Variants in IK observed in about 807,000 individuals in gnomAD.
IK encodes IK cytokine.
Under a neutral mutation model 90.9 loss-of-function variants are expected in IK, and 47 were observed. That is an observed-to-expected ratio of 0.52 (90% CI 0.41 to 0.66). The LOEUF is 0.66. IK is among the 30% of genes least tolerant of loss of function. IK has a pLI of 0.00. For missense variants in IK, 385 were observed against 709.3 expected, an observed-to-expected ratio of 0.54 and a Z score of 5.19; for synonymous variants, 201 against 227.5, an observed-to-expected ratio of 0.88 and a Z score of 1.05.
intron 6 of IK, 79 bp downstream of exon 6, chr5:140,654,131 G>A (rs899276287): frequency 1.2e-6 from 1 of 809,312 alleles, no homozygotes; most frequent in African/African-American, 1.7e-5. Flanking sequence ...TGAGGAGGGA[G>A]ATTCCTGAGA....
intron 8 of IK, 41 bp downstream of exon 8, chr5:140,654,768 G>A (rs377631126): frequency 8.1e-7 from 1 of 1,235,488 alleles, no homozygotes; most frequent in Non-Finnish European, 1.2e-6. Flanking sequence ...CATTCTGGAT[G>A]AATTGTACGG....
intron 2 of IK, among the ~76,000 whole-genome samples, chr5:140,650,561 T>G (rs901163396): frequency 2.0e-5 from 3 of 152,188 alleles, no homozygotes; most frequent in African/African-American, 7.2e-5. Flanking sequence ...TTAGTCTGTT[T>G]CAGACTGATT....
chr5:140,649,301 T>C (rs985819800), intron 2 of IK, among the ~76,000 whole-genome samples: 11 of 149,784 alleles, frequency 7.3e-5, no homozygotes, highest in African/African-American at 2.5e-4. Flanking sequence ...CTCTGCCTCC[T>C]GAGTTCAAGC....
At chr5:140,653,880 G>C in intron 5 of IK, 58 bp from the exon 6 acceptor site, 1 of 1,066,304 alleles carries the variant, frequency 9.4e-7, no homozygotes, top group South Asian at 1.3e-5. Flanking sequence ...TGGGATTACA[G>C]GCGTGATCCA....
Position 140,661,025 on chromosome 5 carries a change from A to AT in IK, c.1413+216dup, listed in dbSNP as rs1561981090. On this transcript the variant is annotated intron_variant, in intron 16 of 19. Transcript: ENST00000417647. The surrounding 1 kb of genome is among the most constrained non-coding windows in gnomAD (Gnocchi z 4.2). The stretch of plus-strand genomic sequence containing the variant: ...TCAAATGACATAGGGTCAAAAATCT[A>AT]TTTTTTACTTCCTATAGCAAAGTGC... 3 of 476,282 alleles carry AT rather than the reference A, an allele frequency of 6.3e-6. No homozygotes were observed. Among genetic ancestry groups the AT allele is most frequent in the Non-Finnish European group, 1.1e-5 (3 of 270,030 alleles). The allele number at this position is 476,282 out of a possible 1,614,324, so 29.5% of individuals were successfully genotyped here. A position where few individuals can be genotyped will look rare whatever the true frequency, so the allele number is the denominator to read the frequency against.
intron 5 of IK, 33 bp from the exon 6 acceptor site, chr5:140,653,905 T>G (rs757966949): frequency 2.7e-5 from 37 of 1,354,802 alleles, no homozygotes; most frequent in Non-Finnish European, 3.8e-5. Flanking sequence ...GCCTGGACAG[T>G]ACTGTTCTTA....
chr5:140,658,093 G>A (rs941080790), intron 10 of IK, among the ~76,000 whole-genome samples: 2 of 152,020 alleles, frequency 1.3e-5, no homozygotes, highest in African/African-American at 2.4e-5. Context: ...TCTGCCTCCC[G>A]GGGTCAAGCG....
chr5:140,660,772 C>T lies in IK; in HGVS notation c.1370C>T (p.Ala457Val). Residue 457 changes from alanine (A) to valine (V), a missense_variant, in exon 16 of 20, where the codon GCT (alanine) becomes GTT (valine). Transcript: ENST00000417647. ...CTTCTCCTTAGGATGGATGACATGG[C>T]TGTGGATAGTGATGAGGAGGTGGAT... The part of the protein sequence containing the change: ...ECYPATMDDM[A>V]VDSDEEVDYS... 1 of 1,613,266 alleles carries T rather than the reference C, an allele frequency of 6.2e-7. No individual in the cohort carries two copies. The highest frequency in any genetic ancestry group is 8.5e-7 in the Non-Finnish European group (1 of 1,179,304).
chr5:140,659,605 C>A, intron 13 of IK, 151 bp from the exon 14 acceptor site: 1 of 663,894 alleles, frequency 1.5e-6, no homozygotes. Flanking sequence ...CTACCCTCAT[C>A]TCAACCAGAG....
chr5:140,661,743 A>C lies in IK; in HGVS notation c.1502+35A>C. 6.5e-7 allele frequency: 1 copy of C among 1,529,462 alleles called. No individual in the cohort carries two copies. Among genetic ancestry groups the C allele is most frequent in the Non-Finnish European group, 9.0e-7 (1 of 1,114,662 alleles). The allele number at this position is 1,529,462 out of a possible 1,614,324, so 94.7% of individuals were successfully genotyped here. A position where few individuals can be genotyped will look rare whatever the true frequency, so the allele number is the denominator to read the frequency against. On this transcript the variant is annotated intron_variant, in intron 17 of 19. Transcript: ENST00000417647. The surrounding 1 kb of genome is among the most constrained non-coding windows in gnomAD (Gnocchi z 4.2). ...TACTGAATATGGGCAGGGTGTGAGG[A>C]GGGGTGTGGGGATTTGGTGGAATAG...
At chr5:140,652,202 G>T in intron 4 of IK, 55 bp downstream of exon 4, 1 of 1,307,076 alleles carries the variant, frequency 7.7e-7, no homozygotes, top group Non-Finnish European at 1.1e-6. Flanking sequence ...TTAGGGGAAA[G>T]AAGTAGGGGC....
intron 15 of IK, 139 bp downstream of exon 15, chr5:140,660,334 G>C (rs866361316): frequency 1.1e-5 from 6 of 535,304 alleles, no homozygotes; most frequent in African/African-American, 8.4e-5. Flanking sequence ...GTCTCACTCT[G>C]TCACCCAGGC....
In IK at chr5:140,652,088, G is replaced by A; in HGVS notation, c.177G>A (p.Glu59=). 1 of 1,612,842 alleles carries A rather than the reference G, an allele frequency of 6.2e-7. No homozygotes were observed. The highest frequency in any genetic ancestry group is 8.5e-7 in the Non-Finnish European group (1 of 1,178,918). Residue 59 remains glutamate (E), a splice_region_variant and synonymous_variant, in exon 4 of 20, where the codon GAG becomes GAA. Transcript: ENST00000417647. The part of the protein sequence containing the change: ...SAPPSKSRHH[E]MPREYNEDED... Reference sequence around the variant, plus strand: ...TCAGTGAATTTCTCGTCTCTTCTAGGATGCCAAGGGAGTACAATGAGGATG... The same window carrying A: ...TCAGTGAATTTCTCGTCTCTTCTAGAATGCCAAGGGAGTACAATGAGGATG...
chr5:140,660,900 A>G (rs1296207130), intron 16 of IK, 85 bp downstream of exon 16: 10 of 1,071,268 alleles, frequency 9.3e-6, no homozygotes, highest in Middle Eastern at 2.1e-4. Flanking sequence ...TAAAAAATCT[A>G]TCTCATTTAC....
At chr5:140,660,702 A>G in intron 15 of IK, 56 bp from the exon 16 acceptor site, 1 of 1,418,902 alleles carries the variant, frequency 7.0e-7, no homozygotes, top group Middle Eastern at 1.7e-4. Context: ...GTAGGTTTCC[A>G]GATGAAGCAT....
chr5:140,654,329 A>G (rs1425802040), intron 6 of IK, among the ~76,000 whole-genome samples, 187 bp from the exon 7 acceptor site: 1 of 152,136 alleles, frequency 6.6e-6, no homozygotes, highest in Non-Finnish European at 1.5e-5. Flanking sequence ...TTCATTTACC[A>G]CAGCAGTTAT....
intron 2 of IK, among the ~76,000 whole-genome samples, chr5:140,650,285 A>G (rs1757593240): frequency 6.6e-6 from 1 of 152,196 alleles, no homozygotes; most frequent in African/African-American, 2.4e-5. Context: ...GAGAAGAGGA[A>G]CTTGATTAGA....
intron 1 of IK, 100 bp downstream of exon 1, chr5:140,648,024 GTGTGTGTGTGTGTGTGTGTGTATGTA>G (rs1357837824): frequency 7.0e-6 from 7 of 999,940 alleles, no homozygotes; most frequent in South Asian, 2.6e-5. Flanking sequence ...GTGTGTGTGT[GTGTGTGTGTGTGTGTGTGTGTATGTA>G]TGTATGTGTG....
intron 16 of IK, 128 bp downstream of exon 16, chr5:140,660,943 A>T: frequency 2.9e-6 from 2 of 679,434 alleles, no homozygotes; most frequent in Non-Finnish European, 5.3e-6. Context: ...GCAGCAGTAG[A>T]AACAGCAGCA....
Sources: allele counts gnomAD v4.1 joint callset (sites outside exome capture counted in the v4.1 genomes callset), GRCh38; gene constraint gnomAD v4.1.1; non-coding constraint Gnocchi (gnomAD v3.1); transcripts MANE v1.5; gene names NCBI Gene and HGNC (gene_info 2026-07-23, HGNC 2026-07-21).